The following METTL15 variants were observed in gnomAD, a reference collection of about 807,000 sequenced individuals.
METTL15 encodes methyltransferase 15, mitochondrial 12S rRNA N4-cytidine, also known as 12S rRNA N(4)-cytidine methyltransferase METTL15.
Under a neutral mutation model 38.3 loss-of-function variants are expected in METTL15, and 34 were observed. That is an observed-to-expected ratio of 0.89 (90% CI 0.68 to 1.18). METTL15 has a LOEUF of 1.18. Ranked by LOEUF, METTL15 falls within the 50% of genes most tolerant of loss-of-function variation. METTL15 has a pLI of 0.00. For missense variants in METTL15, 438 were observed against 498.4 expected (o/e 0.88, Z 1.15); for synonymous variants, 162 against 170.9 (o/e 0.95, Z 0.41).
At chr11:28,222,349 A>T (rs1341258726) in intron 4 of METTL15, among the ~76,000 whole-genome samples, 1 of 152,156 alleles carries the variant, frequency 6.6e-6, no homozygotes, top group African/African-American at 2.4e-5. Flanking sequence ...GGACCCTCCT[A>T]GCCATGCCCA....
downstream of METTL15, among the ~76,000 whole-genome samples, chr11:28,337,910 T>TA (rs1849916220): frequency 6.6e-6 from 1 of 152,218 alleles, no homozygotes; most frequent in South Asian, 2.1e-4. Context: ...TGCCTGTACT[T>TA]ACAATTAGAG....
chr11:28,191,926 T>C (rs1335651831), intron 3 of METTL15, among the ~76,000 whole-genome samples: 2 of 151,744 alleles, frequency 1.3e-5, no homozygotes, highest in Non-Finnish European at 3.0e-5. Flanking sequence ...TTAATAATTA[T>C]TATTTTTCAT....
intron 6 of METTL15, among the ~76,000 whole-genome samples, chr11:28,298,068 T>C (rs2134004208): frequency 6.6e-6 from 1 of 152,142 alleles, no homozygotes; most frequent in East Asian, 1.9e-4. Flanking sequence ...CTCAGGGCCC[T>C]TTGAACTTAC....
chr11:28,241,832 G>GT (rs1356906634), intron 4 of METTL15, among the ~76,000 whole-genome samples: 1 of 152,186 alleles, frequency 6.6e-6, no homozygotes. Flanking sequence ...AAGAAGAGTA[G>GT]TAAGAAAAAG....
chr11:28,147,873 G>A (rs1412013120), intron 3 of METTL15, among the ~76,000 whole-genome samples: 1 of 151,702 alleles, frequency 6.6e-6, no homozygotes, highest in East Asian at 1.9e-4. Context: ...TACTTACCTA[G>A]TTTTCAAAGG....
chr11:28,146,067 A>G (rs2133675051), intron 3 of METTL15, among the ~76,000 whole-genome samples: 1 of 152,214 alleles, frequency 6.6e-6, no homozygotes, highest in East Asian at 1.9e-4. Flanking sequence ...AAAAACAGCT[A>G]GCATATTTTA....
intron 3 of METTL15, among the ~76,000 whole-genome samples, chr11:28,171,126 T>A (rs1346867700): frequency 1.3e-5 from 2 of 152,210 alleles, no homozygotes; most frequent in Admixed American, 1.3e-4. Context: ...TGTTGACATC[T>A]CTCATCTTTG....
chr11:28,298,105 A>G (rs932911714), intron 6 of METTL15, among the ~76,000 whole-genome samples: 2 of 152,066 alleles, frequency 1.3e-5, no homozygotes, highest in African/African-American at 4.8e-5. Flanking sequence ...GGCAAGTTTA[A>G]GAGCAGAATT....
chr11:28,391,670 A>C (rs1387512318), intron 5 of METTL15, among the ~76,000 whole-genome samples: 2 of 152,132 alleles, frequency 1.3e-5, no homozygotes, highest in African/African-American at 4.8e-5. Flanking sequence ...GCTTATCTAC[A>C]ACTATCTGAT....
intron 6 of METTL15, among the ~76,000 whole-genome samples, chr11:28,318,717 G>C (rs2134041705): frequency 6.6e-6 from 1 of 152,064 alleles, no homozygotes; most frequent in South Asian, 2.1e-4. Context: ...CTTAACTGGA[G>C]AATATTAAGC....
At chr11:28,330,301 TA>T in intron 6 of METTL15, 94 bp from the exon 7 acceptor site, 1 of 1,145,942 alleles carries the variant, frequency 8.7e-7, no homozygotes, top group Non-Finnish European at 1.2e-6. Flanking sequence ...CTTAGTTCAC[TA>T]AATATGCACA....
At chr11:28,223,152 A>G (rs1278735770) in intron 4 of METTL15, among the ~76,000 whole-genome samples, 1 of 152,152 alleles carries the variant, frequency 6.6e-6, no homozygotes, top group Non-Finnish European at 1.5e-5. Context: ...TACATTTCCT[A>G]CAAACTTTAT....
chr11:28,462,106 A>C (rs1043651800), intron 6 of METTL15, among the ~76,000 whole-genome samples: 15 of 152,118 alleles, frequency 9.9e-5, no homozygotes, highest in African/African-American at 2.9e-4. Context: ...AGATGTATAC[A>C]GTGCTATGAG....
At chr11:28,314,709 C>G (rs1857420732) in intron 6 of METTL15, among the ~76,000 whole-genome samples, 1 of 152,128 alleles carries the variant, frequency 6.6e-6, no homozygotes, top group Admixed American at 6.5e-5. Context: ...CTCTGTGTCC[C>G]CACTCAAATC....
intron 6 of METTL15, among the ~76,000 whole-genome samples, chr11:28,469,489 T>C (rs1003396566): frequency 1.3e-5 from 2 of 152,182 alleles, no homozygotes; most frequent in Admixed American, 6.6e-5. Flanking sequence ...GTAGTCACCA[T>C]GCACTTGATC....
At chr11:28,118,875 T>C (rs1005779950) in intron 3 of METTL15, among the ~76,000 whole-genome samples, 4 of 152,192 alleles carry the variant, frequency 2.6e-5, no homozygotes, top group African/African-American at 7.2e-5. Flanking sequence ...ATAAATTGTT[T>C]AGAATTGTAT....
chr11:28,308,913 T>C (rs1857175070), intron 6 of METTL15, among the ~76,000 whole-genome samples: 1 of 151,766 alleles, frequency 6.6e-6, no homozygotes, highest in African/African-American at 2.4e-5. Flanking sequence ...GATAGATAGA[T>C]AGATAGATAG....
chr11:28,476,841 T>C (rs773105269), intron 6 of METTL15, among the ~76,000 whole-genome samples: 24 of 152,330 alleles, frequency 1.6e-4, no homozygotes, highest in Non-Finnish European at 3.2e-4. Flanking sequence ...CTTTCTGTAC[T>C]GCACTTCTTA....
At chr11:28,291,408 A>G (rs1439936489) in intron 5 of METTL15, among the ~76,000 whole-genome samples, 3 of 152,142 alleles carry the variant, frequency 2.0e-5, no homozygotes, top group East Asian at 1.9e-4. Context: ...ACCTGTGTCT[A>G]TTCTCAGTAC....
Sources: gnomAD v4.1 joint callset for allele counts (sites outside exome capture counted in the v4.1 genomes callset) on GRCh38, gnomAD v4.1.1 for gene constraint, MANE v1.5 for transcripts, NCBI Gene and HGNC (gene_info 2026-07-23, HGNC 2026-07-21) for gene names.